ARSK: variants seen among roughly 807,000 people sequenced by gnomAD.
The protein encoded by ARSK is arylsulfatase K.
Under a neutral mutation model 53.2 loss-of-function variants are expected in ARSK, and 37 were observed. The ratio of observed to expected loss-of-function variants is 0.70; its 90% CI spans 0.54 to 0.92. The LOEUF is 0.92. Among genes scored for constraint, ARSK ranks in the 40% least tolerant of loss-of-function variants. ARSK has a pLI of 0.00. For missense variants in ARSK, 613 were observed against 643.0 expected, an observed-to-expected ratio of 0.95 and a Z score of 0.51; for synonymous variants, 208 against 223.2, an observed-to-expected ratio of 0.93 and a Z score of 0.61.
At chr5:95,579,011 G>T (rs1384383426) in intron 3 of ARSK, among the ~76,000 whole-genome samples, 2 of 152,122 alleles carry the variant, frequency 1.3e-5, no homozygotes, top group Admixed American at 6.5e-5. Context: ...GCTGATTGTT[G>T]GTTAGTATAT....
At chr5:95,575,969 G>A (rs1459382821) in intron 3 of ARSK, among the ~76,000 whole-genome samples, 2 of 152,060 alleles carry the variant, frequency 1.3e-5, no homozygotes, top group African/African-American at 4.8e-5. Context: ...CCAGATCTTA[G>A]AGGAAGGACT....
Position 95,583,085 on chromosome 5 carries a change from G to A in ARSK, c.586G>A (p.Glu196Lys), listed in dbSNP as rs368797291. Residue 196 changes from glutamate (E) to lysine (K), a missense_variant, in exon 4 of 8, where the codon GAA (glutamate) becomes AAA (lysine). Transcript: ENST00000380009. ...WLRKEAINYT[E>K]PFVIYLGLNL... ...AAGAAAGGAAGCAATTAATTACACT[G>A]AACCATTTGTTATTTACTTGGGATT... 227 of 1,613,468 alleles carry A rather than the reference G, an allele frequency of 1.4e-4. No individual in the cohort carries two copies. Among genetic ancestry groups the A allele is most frequent in the Non-Finnish European group, 1.9e-4 (223 of 1,179,646 alleles).
intron 6 of ARSK, among the ~76,000 whole-genome samples, chr5:95,597,893 C>CAA (rs919210007): frequency 1.1e-4 from 10 of 93,270 alleles, no homozygotes; most frequent in Middle Eastern, 7.4e-3. Flanking sequence ...TACTCTGCCT[C>CAA]AAAAAAAAAA....
intron 1 of ARSK, among the ~76,000 whole-genome samples, chr5:95,560,443 A>G (rs1440486235): frequency 6.6e-6 from 1 of 152,202 alleles, no homozygotes; most frequent in Non-Finnish European, 1.5e-5. Context: ...TTTAAAGCTT[A>G]TATCTTAACT....
In ARSK at chr5:95,586,733, G is replaced by C; in HGVS notation, c.871G>C (p.Gly291Arg). The C allele has an allele frequency of 1.3e-6, 2 of 1,579,680 alleles. No individual in the cohort carries two copies. The highest frequency in any genetic ancestry group is 1.2e-5 in the South Asian group (1 of 83,872). Reference protein sequence around the residue: ...AMCAETDAMLGEIILALHQLD... With the variant: ...AMCAETDAMLREIILALHQLD... The stretch of plus-strand genomic sequence containing the variant: ...GTGTGCTGAGACAGATGCCATGCTT[G>C]GTAGGTGGTATAATTAATAAGCAAT... Residue 291 changes from glycine (G) to arginine (R), a missense_variant and splice_region_variant, in exon 5 of 8, where the codon GGT becomes CGT. By Grantham distance (125) the Gly-to-Arg change is moderately radical (BLOSUM62 -2). Coordinates refer to ENST00000380009, the MANE Select transcript of ARSK (RefSeq NM_198150.3).
At chr5:95,572,703 G>A (rs1035767439) in intron 3 of ARSK, among the ~76,000 whole-genome samples, 3 of 152,162 alleles carry the variant, frequency 2.0e-5, no homozygotes, top group African/African-American at 7.2e-5. Context: ...GCGTGAACCC[G>A]GGAGGCGGAG....
chr5:95,601,133 T>C, intron 7 of ARSK, 62 bp downstream of exon 7: 1 of 1,324,902 alleles, frequency 7.5e-7, no homozygotes, highest in Non-Finnish European at 1.1e-6. Flanking sequence ...CTATGTAGCA[T>C]TGCTCAAGAT....
rs1022102486 is a variant in ARSK, at chr5:95,604,086, A to G, written c.*560A>G. 1.3e-5 allele frequency: 2 copies of G among 152,184 alleles called. No homozygotes were observed. Among genetic ancestry groups the G allele is most frequent in the African/African-American group, 4.8e-5 (2 of 41,442 alleles). The allele number at this position is 152,184 out of a possible 1,614,324, so 9.4% of individuals were successfully genotyped here. A position where few individuals can be genotyped will look rare whatever the true frequency, so the allele number is the denominator to read the frequency against. ...AAGTATCAAAAGAATTGAAGCAAAT[A>G]CTGTAACAGTTATGTTCCTTTAAAT... is the stretch of plus-strand genomic sequence containing the variant. On this transcript the variant is annotated 3_prime_UTR_variant, in exon 8 of 8. Transcript: ENST00000380009.
At chr5:95,591,966 G>A (rs1749225911) in intron 6 of ARSK, among the ~76,000 whole-genome samples, 1 of 152,102 alleles carries the variant, frequency 6.6e-6, no homozygotes, top group African/African-American at 2.4e-5. Context: ...TAAAATGTAA[G>A]CATTTCCTTT....
chr5:95,580,405 C>G (rs535776282), intron 3 of ARSK, among the ~76,000 whole-genome samples: 1 of 152,244 alleles, frequency 6.6e-6, no homozygotes, highest in African/African-American at 2.4e-5. Flanking sequence ...TTTCCAGGTG[C>G]AATAGTTTAG....
chr5:95,592,093 T>A (rs565312492), intron 6 of ARSK, among the ~76,000 whole-genome samples: 1 of 152,326 alleles, frequency 6.6e-6, no homozygotes, highest in African/African-American at 2.4e-5. Context: ...TAGCCATATG[T>A]CTAGAAAAGC....
chr5:95,567,825 A>G, intron 2 of ARSK, 65 bp from the exon 3 acceptor site: 1 of 1,480,540 alleles, frequency 6.8e-7, no homozygotes, highest in East Asian at 2.3e-5. Context: ...TCTCAGAGTA[A>G]TTGTCCTAAT....
Position 95,555,213 on chromosome 5 carries a change from G to T in ARSK, c.-66G>T, listed in dbSNP as rs1748463511. On this transcript the variant is annotated 5_prime_UTR_variant, in exon 1 of 8. Coordinates refer to ENST00000380009, the MANE Select transcript of ARSK (RefSeq NM_198150.3). The surrounding 1 kb of genome is among the most constrained non-coding windows in gnomAD (Gnocchi z 4.0). ...TTGTTCGCTGTCCCTGCCCTGCTCT[G>T]CTAGGGAGAGAACGCCAGAGGGAGG... is the stretch of plus-strand genomic sequence containing the variant. 2.6e-5 allele frequency: 39 copies of T among 1,493,632 alleles called. No individual in the cohort carries two copies. The highest frequency in any genetic ancestry group is 3.2e-5 in the Non-Finnish European group (36 of 1,109,422). 92.5% of individuals were successfully genotyped at this position (1,493,632 alleles called of 1,614,324 possible).
At chr5:95,600,593 A>C (rs1038142760) in intron 6 of ARSK, 14 of 627,022 alleles carry the variant, frequency 2.2e-5, no homozygotes, top group Middle Eastern at 2.5e-4. Flanking sequence ...AACCTAATAA[A>C]TACAAGTACT....
rs1238296127 is a variant in ARSK, at chr5:95,556,872, T to TGGTTTCGGGCGC, written c.126+1469_126+1480dup. 4.6e-5 allele frequency: 7 copies of TGGTTTCGGGCGC among 151,760 alleles called. No individual in the cohort carries two copies. The East Asian group carries it at 1.4e-3, about 29-fold the overall frequency. 9.4% of individuals were successfully genotyped at this position (151,760 alleles called of 1,614,324 possible). On this transcript the variant is annotated intron_variant, in intron 1 of 7. Transcript: ENST00000380009. ...AAAATACAAAAAAATTAGCCGGGCG[T>TGGTTTCGGGCGC]GGTTTCGGGCGCCTGTAGTCCCAGC...
At chr5:95,599,194 T>C (rs1031235385) in intron 6 of ARSK, among the ~76,000 whole-genome samples, 3 of 152,328 alleles carry the variant, frequency 2.0e-5, no homozygotes, top group Admixed American at 1.3e-4. Flanking sequence ...ATGGACTCTT[T>C]CCCAGTTTAC....
At position 95,586,639 on chromosome 5, in the gene ARSK, T is replaced by C. The variant is rs1749117240; in HGVS notation, c.777T>C (p.Tyr259=). 1 of 1,611,374 alleles carries C rather than the reference T, an allele frequency of 6.2e-7. No individual in the cohort carries two copies. The highest frequency in any genetic ancestry group is 1.7e-5 in the Admixed American group (1 of 59,802). ...ACCCTGTAGATTATTACTCTTCTTA[T>C]ACAAAAAACTGCACTGGAAGATTTA... ...EMHPVDYYSS[Y]TKNCTGRFTK... is the part of the protein sequence containing the mutation. Residue 259 remains tyrosine, a synonymous_variant, in exon 5 of 8, where the codon TAT becomes TAC. Transcript: ENST00000380009.
chr5:95,591,162 G>A (rs1749208347), intron 5 of ARSK, among the ~76,000 whole-genome samples: 1 of 152,126 alleles, frequency 6.6e-6, no homozygotes, highest in Non-Finnish European at 1.5e-5. Flanking sequence ...CTCCAGATAA[G>A]CAGCTTTGAG....
chr5:95,559,915 A>G (rs1748597088), intron 1 of ARSK, among the ~76,000 whole-genome samples: 1 of 152,216 alleles, frequency 6.6e-6, no homozygotes, highest in Non-Finnish European at 1.5e-5. Context: ...AAGTATCTAT[A>G]CTTGCAGTAA....
Sources: gnomAD v4.1 joint callset for allele counts (sites outside exome capture counted in the v4.1 genomes callset) on GRCh38, gnomAD v4.1.1 for gene constraint, Gnocchi (gnomAD v3.1) non-coding constraint, MANE v1.5 for transcripts, NCBI Gene and HGNC (gene_info 2026-07-23, HGNC 2026-07-21) for gene names.